BRI3BP: variants seen among roughly 807,000 people sequenced by gnomAD.
BRI3BP encodes the protein BRI3 binding protein.
Under a neutral mutation model 15.8 loss-of-function variants are expected in BRI3BP, and 7 were observed. That is an observed-to-expected ratio of 0.44 (90% confidence interval 0.25 to 0.83). BRI3BP has a LOEUF of 0.83. BRI3BP is among the 40% of genes least tolerant of loss of function. The pLI is 0.20. For synonymous variants in BRI3BP, 192 were observed against 163.5 expected (o/e 1.17, Z -1.33); for missense variants, 320 against 339.3 (o/e 0.94, Z 0.45).
chr12:124,996,163 C>T (rs937781410), intron 1 of BRI3BP, among the ~76,000 whole-genome samples: 1 of 152,150 alleles, frequency 6.6e-6, no homozygotes, highest in Non-Finnish European at 1.5e-5. Flanking sequence ...ATCCTCCCGC[C>T]TCGGCCTTCC....
chr12:125,025,493 G>A lies in BRI3BP; in HGVS notation c.*63G>A. ...GCTGTCTCAGAAAACGAAAACGGAG[G>A]AAAAAAACCCCAAACCCCAAACAAT... On this transcript the variant is annotated 3_prime_UTR_variant, in exon 3 of 3. Transcript: ENST00000341446. 1.4e-6 allele frequency: 2 copies of A among 1,404,064 alleles called. No individual in the cohort carries two copies. Among genetic ancestry groups the A allele is most frequent in the Non-Finnish European group, 9.5e-7 (1 of 1,056,084 alleles). The allele number at this position is 1,404,064 out of a possible 1,614,324, so 87.0% of individuals were successfully genotyped here.
chr12:125,033,076 A>G (rs1047851033), downstream of BRI3BP, among the ~76,000 whole-genome samples: 2 of 152,280 alleles, frequency 1.3e-5, no homozygotes, highest in South Asian at 2.1e-4. Flanking sequence ...CTTTGCACCT[A>G]TGAAGGAAAA....
chr12:125,046,955 TAA>T, the BRI3BP span, among the ~76,000 whole-genome samples: 1 of 152,200 alleles, frequency 6.6e-6, no homozygotes, highest in South Asian at 2.1e-4. Context: ...CTTTAAACTT[TAA>T]ACACAGCCTC....
downstream of BRI3BP, among the ~76,000 whole-genome samples, chr12:125,035,585 G>T (rs1955436272): frequency 6.6e-6 from 1 of 151,916 alleles, no homozygotes. Flanking sequence ...TAGAGATGGG[G>T]TCTCACTATG....
At chr12:125,037,421 C>G in the BRI3BP span, among the ~76,000 whole-genome samples, 7 of 152,314 alleles carry the variant, frequency 4.6e-5, no homozygotes, top group South Asian at 1.4e-3. Flanking sequence ...AACCTGTGGA[C>G]ACACTAATTT....
chr12:125,025,362 CAGG>C lies in BRI3BP; in HGVS notation c.689_691del (p.Gln230_Val231delinsLeu). ...GGAGAAGCTGGAGCACCTGGAGAAG[CAGG>C]TCAGACTGCTCAACATCCGTCTCAA... On this transcript the variant is annotated inframe_deletion, in exon 3 of 3. Transcript: ENST00000341446. 3 of 1,612,782 alleles carry C rather than the reference CAGG, an allele frequency of 1.9e-6. No homozygotes were observed. Among genetic ancestry groups the C allele is most frequent in the Non-Finnish European group, 2.5e-6 (3 of 1,179,636 alleles).
intron 2 of BRI3BP, among the ~76,000 whole-genome samples, chr12:125,020,511 G>C (rs536215433): frequency 6.6e-6 from 1 of 152,344 alleles, no homozygotes; most frequent in Admixed American, 6.5e-5. Context: ...TAGGAATTTT[G>C]TGGGGGACAC....
At chr12:125,015,615 G>T (rs987906948) in intron 2 of BRI3BP, among the ~76,000 whole-genome samples, 2 of 152,132 alleles carry the variant, frequency 1.3e-5, no homozygotes, top group Non-Finnish European at 2.9e-5. Context: ...GCCCATTGGT[G>T]CTTGACACCC....
downstream of BRI3BP, among the ~76,000 whole-genome samples, chr12:125,034,858 G>C (rs1231321521): frequency 6.6e-6 from 1 of 152,114 alleles, no homozygotes; most frequent in African/African-American, 2.4e-5. Context: ...AAAGTGTTGG[G>C]ATTACAGGCG....
At chr12:125,002,698 C>T (rs936841746) in intron 1 of BRI3BP, among the ~76,000 whole-genome samples, 2 of 152,114 alleles carry the variant, frequency 1.3e-5, no homozygotes, top group African/African-American at 4.8e-5. Flanking sequence ...CCTCGTGATC[C>T]ACTCACCTTG....
intron 1 of BRI3BP, among the ~76,000 whole-genome samples, chr12:125,002,822 G>T (rs1457599012): frequency 6.6e-6 from 1 of 152,106 alleles, no homozygotes; most frequent in Non-Finnish European, 1.5e-5. Context: ...TCCGGGTTAG[G>T]CTCAGACTTA....
At chr12:125,009,475 A>G (rs1955177722) in intron 1 of BRI3BP, among the ~76,000 whole-genome samples, 1 of 151,608 alleles carries the variant, frequency 6.6e-6, no homozygotes, top group African/African-American at 2.4e-5. Context: ...TTTTCAGTAG[A>G]GACAAGGTTT....
chr12:125,030,352 C>A lies in BRI3BP; in HGVS notation c.*4922C>A, dbSNP rs1431935040. The A allele has an allele frequency of 6.6e-6, 1 of 152,112 alleles. No individual in the cohort carries two copies. Among genetic ancestry groups the A allele is most frequent in the Non-Finnish European group, 1.5e-5 (1 of 68,020 alleles). The allele number at this position is 152,112 out of a possible 1,614,324, so 9.4% of individuals were successfully genotyped here. ...CTTCTGCAACATTTTTGTTTATGGC[C>A]ATTTGAATAGTTGGACTTTGACTCC... On this transcript the variant is annotated 3_prime_UTR_variant, in exon 3 of 3. Transcript: ENST00000341446.
rs920687704 is a variant in BRI3BP, at chr12:125,030,469, C to G, written c.*5039C>G. ...CAACCATCAGTGTGATGTATAGTAT[C>G]TGGTGTAAACAAATTTTATTCAGCA... On this transcript the variant is annotated 3_prime_UTR_variant, in exon 3 of 3. Coordinates refer to ENST00000341446, the MANE Select transcript of BRI3BP (RefSeq NM_080626.6). 3.9e-5 allele frequency: 6 copies of G among 152,194 alleles called. No homozygotes were observed. Among genetic ancestry groups the G allele is most frequent in the Non-Finnish European group, 8.8e-5 (6 of 68,042 alleles). 9.4% of individuals were successfully genotyped at this position (152,194 alleles called of 1,614,324 possible). A position where few individuals can be genotyped will look rare whatever the true frequency, so the allele number is the denominator to read the frequency against.
intron 1 of BRI3BP, among the ~76,000 whole-genome samples, chr12:125,004,575 G>A (rs1334701396): frequency 6.6e-6 from 1 of 152,052 alleles, no homozygotes; most frequent in Non-Finnish European, 1.5e-5. Flanking sequence ...ATAATACAGG[G>A]AGTCGCCATA....
rs1384570776 is a variant in BRI3BP, at chr12:125,012,459, C to T, written c.214-75C>T. The T allele has an allele frequency of 6.4e-6, 8 of 1,258,640 alleles. No homozygotes were observed. The East Asian group carries it at 1.6e-4, about 26-fold the overall frequency. The allele number at this position is 1,258,640 out of a possible 1,614,324, so 78.0% of individuals were successfully genotyped here. ...TTTTCCCTTCCCAGGTATAAACTCC[C>T]AAGCTCCCCAGTTCACTGCTTGACT... is the stretch of plus-strand genomic sequence containing the variant. On this transcript the variant is annotated intron_variant, in intron 1 of 2. Coordinates refer to ENST00000341446, the MANE Select transcript of BRI3BP (RefSeq NM_080626.6).
chr12:125,002,032 C>T (rs1311158984), intron 1 of BRI3BP, among the ~76,000 whole-genome samples: 2 of 152,176 alleles, frequency 1.3e-5, no homozygotes, highest in Non-Finnish European at 2.9e-5. Flanking sequence ...CACTTAGCCT[C>T]ATGTTTTCAA....
At chr12:125,022,541 A>ATTTTTTTTTTTTTTTTTTT (rs770844998) in intron 2 of BRI3BP, among the ~76,000 whole-genome samples, 4 of 139,430 alleles carry the variant, frequency 2.9e-5, no homozygotes, top group South Asian at 4.5e-4. Flanking sequence ...TTATTTATTT[A>ATTTTTTTTTTTTTTTTTTT]TTTTTTGAGA....
intron 2 of BRI3BP, among the ~76,000 whole-genome samples, chr12:125,022,649 C>T (rs1178310627): frequency 1.3e-5 from 2 of 151,812 alleles, no homozygotes; most frequent in African/African-American, 4.9e-5. Context: ...GCCTCAGCCT[C>T]CCAGGTAGCT....
Sources: allele counts gnomAD v4.1 joint callset (sites outside exome capture counted in the v4.1 genomes callset), GRCh38; gene constraint gnomAD v4.1.1; transcripts MANE v1.5; gene names NCBI Gene and HGNC (gene_info 2026-07-23, HGNC 2026-07-21).